H2BC18: variants seen among roughly 807,000 people sequenced by gnomAD.
H2BC18 encodes the protein histone H2B type 2-F.
H2BC18 carries 8 observed loss-of-function variants against 6.3 expected under a neutral mutation model. The observed-to-expected ratio is 1.28, with a 90% CI of 0.75 to 2.31. H2BC18 has a LOEUF of 2.31. Among genes scored for constraint, H2BC18 ranks in the 30% most tolerant of loss-of-function variants. The pLI, the probability that H2BC18 is intolerant of heterozygous loss-of-function variation, is 0.00. For missense variants in H2BC18, 106 were observed against 174.5 expected (o/e 0.61, Z 2.21); for synonymous variants, 104 against 78.1 (o/e 1.33, Z -1.75).
chr1:149,790,066 C>A (rs782538146), intron 1 of H2BC18: 2 of 1,613,794 alleles, frequency 1.2e-6, no homozygotes, highest in African/African-American at 1.3e-5. Flanking sequence ...CTATTTCCAG[C>A]TCCAGTGCTG....
intron 1 of H2BC18, chr1:149,788,539 A>C (rs782561800): frequency 2.2e-5 from 35 of 1,613,828 alleles, no homozygotes; most frequent in Non-Finnish European, 3.0e-5. Context: ...AACCAACATA[A>C]GTCACAATGG....
intron 1 of H2BC18, among the ~76,000 whole-genome samples, chr1:149,799,876 C>T (rs587756964): frequency 6.6e-6 from 1 of 152,166 alleles, no homozygotes; most frequent in African/African-American, 2.4e-5. Flanking sequence ...AGACTGACGG[C>T]GGAGGGGGGT....
At chr1:149,789,418 A>AATG (rs10544446) in intron 1 of H2BC18, among the ~76,000 whole-genome samples, 6 of 150,072 alleles carry the variant, frequency 4.0e-5, no homozygotes, top group Non-Finnish European at 7.4e-5. Flanking sequence ...TAATAATAAT[A>AATG]ATGATGATAA....
At position 149,811,889 on chromosome 1, in the gene H2BC18, C is replaced by T; in HGVS notation, c.*54G>A. ...TGCTTTCTCGATTACTGAAGTGGCT[C>T]TGAAAAGAGCCTTTGGGGTTAGGTG... On this transcript the variant is annotated 3_prime_UTR_variant, in exon 1 of 1. Transcript: ENST00000369167. 1 of 1,502,156 alleles carries T rather than the reference C, an allele frequency of 6.7e-7. No homozygotes were observed. The highest frequency in any genetic ancestry group is 1.1e-5 in the South Asian group (1 of 87,848). The allele number at this position is 1,502,156 out of a possible 1,614,324, so 93.1% of individuals were successfully genotyped here.
intron 1 of H2BC18, chr1:149,784,324 G>T (rs1193584104): frequency 1.9e-6 from 3 of 1,611,474 alleles, no homozygotes; most frequent in African/African-American, 1.3e-5. Context: ...CTCCTTTCTG[G>T]ATGCCAGATG....
chr1:149,805,069 CT>C (rs1473665458), intron 1 of H2BC18, among the ~76,000 whole-genome samples: 4 of 152,266 alleles, frequency 2.6e-5, no homozygotes, highest in African/African-American at 9.6e-5. Context: ...TATGTGTATT[CT>C]TTTTACCACC....
At chr1:149,796,668 G>A (rs1394132850) in intron 1 of H2BC18, among the ~76,000 whole-genome samples, 1 of 152,142 alleles carries the variant, frequency 6.6e-6, no homozygotes, top group Non-Finnish European at 1.5e-5. Flanking sequence ...TCCTTGAATT[G>A]CAATTTCTTA....
At chr1:149,809,436 A>G (rs2091951899), downstream of H2BC18, among the ~76,000 whole-genome samples, 1 of 152,004 alleles carries the variant, frequency 6.6e-6, no homozygotes, top group South Asian at 2.1e-4. Context: ...ATCCATAGTA[A>G]AGGAGTAAGA....
intron 1 of H2BC18, chr1:149,794,085 G>A (rs1325986932): frequency 2.3e-5 from 12 of 514,406 alleles, no homozygotes; most frequent in East Asian, 1.4e-4. Context: ...CAGATTCCTC[G>A]GGCTGTAGAG....
rs587714345 is a variant in H2BC18 at position 149,806,402 on chromosome 1, C to T, written c.377+5545G>A. On this transcript the variant is annotated intron_variant, in intron 1 of 1. Coordinates refer to the H2BC18 transcript ENST00000545683. ...GGTCAGGAGATCGAGACCATCCTAACACAGTGAAACCCCGTCTCTACTAAA... is the reference window on the plus strand; with the variant it reads ...GGTCAGGAGATCGAGACCATCCTAATACAGTGAAACCCCGTCTCTACTAAA... 2.0e-3 allele frequency among the ~76,000 whole-genome samples: 300 copies of T among 152,182 alleles called. 1 individual carries two copies. Among genetic ancestry groups the T allele is most frequent in the African/African-American group, 6.9e-3 (287 of 41,516 alleles).
intron 1 of H2BC18, chr1:149,784,309 G>A (rs202221056): frequency 4.3e-5 from 69 of 1,610,192 alleles, no homozygotes; most frequent in Middle Eastern, 2.3e-4. Flanking sequence ...CTTCCTCTGC[G>A]TTCTCTCCTT....
At chr1:149,786,869 T>C (rs1319557403) in intron 1 of H2BC18, 2 of 152,224 alleles carry the variant, frequency 1.3e-5, no homozygotes, top group African/African-American at 4.8e-5. Context: ...TTAAACATGG[T>C]ATCAGTTCAT....
At chr1:149,795,980 C>T (rs1163924780) in intron 1 of H2BC18, among the ~76,000 whole-genome samples, 4 of 151,258 alleles carry the variant, frequency 2.6e-5, no homozygotes, top group African/African-American at 4.9e-5. Flanking sequence ...GTCACACACA[C>T]ACAAAGCTAG....
chr1:149,785,592 A>G (rs1296237313), intron 1 of H2BC18: 2 of 151,692 alleles, frequency 1.3e-5, no homozygotes, highest in African/African-American at 4.8e-5. Flanking sequence ...GGCTGGGAAG[A>G]GTCCATTTTC....
At chr1:149,804,337 C>A (rs1294307953) in intron 1 of H2BC18, among the ~76,000 whole-genome samples, 1 of 152,198 alleles carries the variant, frequency 6.6e-6, no homozygotes, top group African/African-American at 2.4e-5. Context: ...GTAACAGACA[C>A]TATAAAGTCT....
chr1:149,796,229 A>T (rs1222852337), intron 1 of H2BC18, among the ~76,000 whole-genome samples: 1 of 152,216 alleles, frequency 6.6e-6, no homozygotes, highest in Non-Finnish European at 1.5e-5. Context: ...AGAGAAGATT[A>T]AAAAAAGAAT....
chr1:149,803,007 T>C (rs1853039), intron 1 of H2BC18, among the ~76,000 whole-genome samples: 1 of 152,206 alleles, frequency 6.6e-6, no homozygotes, highest in Non-Finnish European at 1.5e-5. Flanking sequence ...TCTCCTCTGG[T>C]AACACCCTCA....
Position 149,791,943 on chromosome 1 carries a change from GGAAA to G in H2BC18, c.378-8687_378-8684del, listed in dbSNP as rs587617214. 861 of 180,334 alleles carry G rather than the reference GGAAA, an allele frequency of 4.8e-3. 6 individuals are homozygous for G. The highest frequency in any genetic ancestry group is 0.026 in the African/African-American group (815 of 31,604). The allele number at this position is 180,334 out of a possible 1,614,324, so 11.2% of individuals were successfully genotyped here. A position where few individuals can be genotyped will look rare whatever the true frequency, so the allele number is the denominator to read the frequency against. The stretch of plus-strand genomic sequence containing the variant: ...AGGGAATAGTATAGACAATAAGGAA[GGAAA>G]TAGTACTTACAAATGACTCCTAAGG... On this transcript the variant is annotated intron_variant, in intron 1 of 1. Transcript: ENST00000545683.
intron 1 of H2BC18, among the ~76,000 whole-genome samples, chr1:149,806,550 T>A (rs1253852581): frequency 6.6e-6 from 1 of 151,274 alleles, no homozygotes; most frequent in African/African-American, 2.4e-5. Context: ...ATTGCACCAC[T>A]GCACTCCAGC....
Sources: allele counts gnomAD v4.1 joint callset (sites outside exome capture counted in the v4.1 genomes callset), GRCh38; gene constraint gnomAD v4.1.1; transcripts MANE v1.5; gene names NCBI Gene and HGNC (gene_info 2026-07-23, HGNC 2026-07-21).